The following KLF12 variants were observed in gnomAD, a reference collection of about 807,000 sequenced individuals.
The protein encoded by KLF12 is KLF transcription factor 12.
KLF12 carries 9 observed loss-of-function variants against 37.8 expected under a neutral mutation model. That is an observed-to-expected ratio of 0.24 (90% CI 0.14 to 0.42). The LOEUF (loss-of-function observed/expected upper bound fraction) is 0.42. Among genes scored for constraint, KLF12 ranks in the 10% least tolerant of loss-of-function variants. KLF12 has a pLI of 1.00. For synonymous variants in KLF12, 208 were observed against 202.1 expected, an observed-to-expected ratio of 1.03 and a Z score of -0.25; for missense variants, 411 against 516.0, an observed-to-expected ratio of 0.80 and a Z score of 1.97.
At chr13:73,786,557 C>T (rs1881358359) in intron 5 of KLF12, among the ~76,000 whole-genome samples, 1 of 151,974 alleles carries the variant, frequency 6.6e-6, no homozygotes, top group Non-Finnish European at 1.5e-5. Context: ...CCTTTCTCTG[C>T]CACTGACATA....
chr13:73,760,493 G>A lies in KLF12; in HGVS notation c.869+4445C>T, dbSNP rs1002680807. Among the ~76,000 whole-genome samples the A allele has an allele frequency of 1.4e-4, 21 of 152,036 alleles. 1 individual carries two copies. The highest frequency in any genetic ancestry group is 3.4e-3 in the Middle Eastern group (1 of 294). On this transcript the variant is annotated intron_variant, in intron 6 of 7. Transcript: ENST00000377669. ...CATCACGCCTGGCTAATTTTAAAAGGAAATAAAAAATAGTGAGCTGGCGTC... is the reference window on the plus strand; with the variant it reads ...CATCACGCCTGGCTAATTTTAAAAGAAAATAAAAAATAGTGAGCTGGCGTC...
At chr13:73,786,162 A>G (rs1307259283) in intron 5 of KLF12, among the ~76,000 whole-genome samples, 1 of 152,178 alleles carries the variant, frequency 6.6e-6, no homozygotes, top group Non-Finnish European at 1.5e-5. Flanking sequence ...AGCTCCAATT[A>G]GAGGTGCAAC....
rs539767243 is a variant in KLF12, at chr13:73,687,116, G to A, written c.*8374C>T. 3.3e-5 allele frequency: 5 copies of A among 152,674 alleles called. No individual in the cohort carries two copies. The highest frequency in any genetic ancestry group is 5.9e-5 in the Non-Finnish European group (4 of 68,012). 9.5% of individuals were successfully genotyped at this position (152,674 alleles called of 1,614,324 possible). A position where few individuals can be genotyped will look rare whatever the true frequency, so the allele number is the denominator to read the frequency against. On this transcript the variant is annotated 3_prime_UTR_variant, in exon 8 of 8. Coordinates refer to ENST00000377669, the MANE Select transcript of KLF12 (RefSeq NM_007249.5). ...ATCGTTTCACAACACAAAGTTCTGA[G>A]TACATTCTTCTATGGACAAACATGA... is the stretch of plus-strand genomic sequence containing the variant.
intron 5 of KLF12, among the ~76,000 whole-genome samples, chr13:73,766,546 G>GC (rs1879926965): frequency 6.6e-6 from 1 of 152,036 alleles, no homozygotes; most frequent in East Asian, 1.9e-4. Flanking sequence ...CCCAGTTAAA[G>GC]CCCCCTGACC....
At chr13:73,932,716 G>T (rs1477973115) in intron 3 of KLF12, among the ~76,000 whole-genome samples, 1 of 152,130 alleles carries the variant, frequency 6.6e-6, no homozygotes, top group Non-Finnish European at 1.5e-5. Flanking sequence ...CATATCTTAT[G>T]TAGTAAAATA....
intron 1 of KLF12, among the ~76,000 whole-genome samples, chr13:74,008,451 T>G (rs1892470641): frequency 6.6e-6 from 1 of 152,252 alleles, no homozygotes; most frequent in South Asian, 2.1e-4. Context: ...ACAATGCATT[T>G]TGTTTGGGGT....
intron 5 of KLF12, among the ~76,000 whole-genome samples, chr13:73,776,444 A>G (rs17090402): frequency 0.042 from 6,378 of 152,316 alleles, 246 homozygotes; most frequent in Admixed American, 0.12. Context: ...CAGTACCCAC[A>G]AGGCTAAAGG....
intron 3 of KLF12, among the ~76,000 whole-genome samples, chr13:73,858,691 A>G (rs879595608): frequency 2.2e-4 from 33 of 152,196 alleles, no homozygotes; most frequent in African/African-American, 8.0e-4. Flanking sequence ...TGCTCTGGTA[A>G]CAGCATTTTC....
intron 6 of KLF12, among the ~76,000 whole-genome samples, chr13:73,738,451 C>A (rs1877695821): frequency 6.6e-6 from 1 of 152,004 alleles, no homozygotes; most frequent in Non-Finnish European, 1.5e-5. Flanking sequence ...CATACCCGGC[C>A]CATCACATAT....
At chr13:74,273,538 TTC>T in the KLF12 span, among the ~76,000 whole-genome samples, 2 of 152,048 alleles carry the variant, frequency 1.3e-5, no homozygotes, top group Admixed American at 1.3e-4. Flanking sequence ...TTGTGTGCAA[TTC>T]TGTTATACTC....
the KLF12 span, among the ~76,000 whole-genome samples, chr13:74,153,671 G>A: frequency 2.6e-5 from 4 of 152,158 alleles, no homozygotes; most frequent in Non-Finnish European, 5.9e-5. Context: ...TTAGTTAACA[G>A]CATTTGGTTT....
chr13:73,785,228 G>A (rs537746250), intron 5 of KLF12, among the ~76,000 whole-genome samples: 1 of 151,186 alleles, frequency 6.6e-6, no homozygotes, highest in Non-Finnish European at 1.5e-5. Flanking sequence ...TGATCCTCCC[G>A]CCTCAGACAC....
chr13:74,127,027 T>C (rs1011707813), intron 1 of KLF12, among the ~76,000 whole-genome samples: 1 of 152,218 alleles, frequency 6.6e-6, no homozygotes, highest in Non-Finnish European at 1.5e-5. Context: ...ACTGTTGTTT[T>C]AGAGACAGGG....
chr13:74,231,111 A>T, the KLF12 span, among the ~76,000 whole-genome samples: 2 of 151,338 alleles, frequency 1.3e-5, no homozygotes, highest in African/African-American at 4.9e-5. Flanking sequence ...TCTGCCTGTC[A>T]TGTATGCTCA....
chr13:74,135,968 T>C (rs1031377798), upstream of KLF12, among the ~76,000 whole-genome samples: 5 of 152,150 alleles, frequency 3.3e-5, no homozygotes, highest in Admixed American at 6.5e-5. Flanking sequence ...GGCGTCTGCC[T>C]GGTGCGTTCT....
chr13:73,708,236 G>C lies in KLF12; in HGVS notation c.1027+7132C>G, dbSNP rs543768898. 2.0e-5 allele frequency among the ~76,000 whole-genome samples: 3 copies of C among 152,234 alleles called. No homozygotes were observed. The East Asian group carries it at 5.8e-4, about 29-fold the overall frequency. ...TTAAGTTTACTAATTTTTAAGGTTAGAGGTGTATGGCTTTCATATGAATTA... is the reference window on the plus strand; with the variant it reads ...TTAAGTTTACTAATTTTTAAGGTTACAGGTGTATGGCTTTCATATGAATTA... On this transcript the variant is annotated intron_variant, in intron 7 of 7. Coordinates refer to ENST00000377669, the MANE Select transcript of KLF12 (RefSeq NM_007249.5).
chr13:74,027,373 C>T (rs569681253), intron 1 of KLF12, among the ~76,000 whole-genome samples: 16 of 152,246 alleles, frequency 1.1e-4, no homozygotes, highest in African/African-American at 3.6e-4. Flanking sequence ...CCCCCCACTT[C>T]GCGATGTCTG....
chr13:73,870,029 G>A (rs1174086117), intron 3 of KLF12, among the ~76,000 whole-genome samples: 2 of 152,096 alleles, frequency 1.3e-5, no homozygotes, highest in Non-Finnish European at 2.9e-5. Flanking sequence ...CATTTATGTT[G>A]AACTAAAAGA....
intron 6 of KLF12, among the ~76,000 whole-genome samples, chr13:73,722,209 C>T (rs1876318907): frequency 6.6e-6 from 1 of 152,140 alleles, no homozygotes; most frequent in African/African-American, 2.4e-5. Context: ...GAATCAAACA[C>T]CACCCTGGGA....
Sources: gnomAD v4.1 joint callset for allele counts (sites outside exome capture counted in the v4.1 genomes callset) on GRCh38, gnomAD v4.1.1 for gene constraint, MANE v1.5 for transcripts, NCBI Gene and HGNC (gene_info 2026-07-23, HGNC 2026-07-21) for gene names.